The following PNPLA7 variants were observed in gnomAD, a reference collection of about 807,000 sequenced individuals.
PNPLA7 encodes patatin-like phospholipase domain-containing protein 7.
PNPLA7 carries 153 observed loss-of-function variants against 161.7 expected under a neutral mutation model. The observed-to-expected ratio is 0.95, with a 90% confidence interval of 0.83 to 1.08. PNPLA7 has a LOEUF of 1.08. PNPLA7 is among the 50% of genes least tolerant of loss of function. PNPLA7 has a pLI of 0.00. For missense variants in PNPLA7, 1,739 were observed against 1,856.6 expected, an observed-to-expected ratio of 0.94 and a Z score of 1.16; for synonymous variants, 809 against 782.1, an observed-to-expected ratio of 1.03 and a Z score of -0.57.
At chr9:137,503,948 TGAAGAAGAAG>T (rs1833733454) in intron 14 of PNPLA7, among the ~76,000 whole-genome samples, 1 of 32,566 alleles carries the variant, frequency 3.1e-5, no homozygotes, top group Non-Finnish European at 5.7e-5. Flanking sequence ...GAAGGAAGAA[TGAAGAAGAAG>T]GAAGAAGGAA....
chr9:137,497,068 C>T (rs1352111472), intron 18 of PNPLA7, 119 bp downstream of exon 18: 4 of 1,255,160 alleles, frequency 3.2e-6, no homozygotes, highest in Non-Finnish European at 4.1e-6. Flanking sequence ...TCACTACTAC[C>T]ATCCACTCCT....
intron 24 of PNPLA7, chr9:137,478,536 G>A: frequency 5.3e-6 from 1 of 188,608 alleles, no homozygotes; most frequent in Non-Finnish European, 1.1e-5. Context: ...TGGGCTGGGG[G>A]CCGTGAGCAT....
intron 19 of PNPLA7, among the ~76,000 whole-genome samples, chr9:137,493,635 C>G (rs1832888501): frequency 6.6e-6 from 1 of 152,396 alleles, no homozygotes; most frequent in South Asian, 2.1e-4. Flanking sequence ...ACAGCGGACC[C>G]ACTGGCTTCA....
At chr9:137,521,602 C>G in intron 10 of PNPLA7, 34 bp downstream of exon 10, 1 of 1,605,026 alleles carries the variant, frequency 6.2e-7, no homozygotes, top group Non-Finnish European at 8.5e-7. Context: ...CTGCATGGAG[C>G]AGCATGGGGC....
rs919481830 is a variant in PNPLA7, at chr9:137,476,407, G to A, written c.2882+1627C>T. Among the ~76,000 whole-genome samples the A allele has an allele frequency of 1.3e-5, 2 of 152,112 alleles. No individual in the cohort carries two copies. The highest frequency in any genetic ancestry group is 2.4e-5 in the African/African-American group (1 of 41,416). On this transcript the variant is annotated intron_variant, in intron 25 of 34. Transcript: ENST00000406427. The surrounding 1 kb of genome is among the most constrained non-coding windows in gnomAD (Gnocchi z 4.5). ...AGTGATGGGACCACACTGGGATTGA[G>A]TGGAAAGGAGGGAGACAGATGCATA...
rs1259242461 is a variant in PNPLA7 at position 137,476,509 on chromosome 9, TA to T, written c.2882+1524del. Reference sequence around the variant, plus strand: ...GGTTAAGAAGTCAACAATCTAAAACTAAAAAAAAAACCAAAAACTTAGTAGA... The same window carrying T: ...GGTTAAGAAGTCAACAATCTAAAACTAAAAAAAAACCAAAAACTTAGTAGA... On this transcript the variant is annotated intron_variant, in intron 25 of 34. Transcript: ENST00000406427. The surrounding 1 kb of genome is among the most constrained non-coding windows in gnomAD (Gnocchi z 4.5). Among the ~76,000 whole-genome samples, 6 of 146,078 alleles carry T rather than the reference TA, an allele frequency of 4.1e-5. No homozygotes were observed. The highest frequency in any genetic ancestry group is 2.2e-4 in the South Asian group (1 of 4,606).
chr9:137,480,618 G>T, intron 22 of PNPLA7, 138 bp from the exon 23 acceptor site: 1 of 1,006,834 alleles, frequency 9.9e-7, no homozygotes, highest in Non-Finnish European at 1.4e-6. Flanking sequence ...TCCTGCCATC[G>T]CTAGTTCGCA....
chr9:137,549,925 TCG>T (rs1377038448), intron 1 of PNPLA7, among the ~76,000 whole-genome samples: 1 of 152,114 alleles, frequency 6.6e-6, no homozygotes, highest in Non-Finnish European at 1.5e-5. Flanking sequence ...CTGGCTGCCC[TCG>T]CTGTGAACAA....
chr9:137,501,851 C>T (rs369426333), intron 14 of PNPLA7, 124 bp from the exon 15 acceptor site: 15 of 952,044 alleles, frequency 1.6e-5, no homozygotes, highest in East Asian at 1.1e-4. Flanking sequence ...GCAAGGCCCT[C>T]CTCCGAGGCT....
At chr9:137,463,580 G>T (rs1323987750) in intron 28 of PNPLA7, 49 bp from the exon 29 acceptor site, 2 of 1,405,660 alleles carry the variant, frequency 1.4e-6, no homozygotes, top group South Asian at 2.5e-5. Flanking sequence ...GGCTCCTCCT[G>T]GGTCCAGGGT....
intron 7 of PNPLA7, among the ~76,000 whole-genome samples, chr9:137,542,197 A>C (rs894523511): frequency 1.3e-5 from 2 of 152,246 alleles, no homozygotes; most frequent in African/African-American, 4.8e-5. Context: ...TGCCCAGCCC[A>C]GTGCCTCATG....
At chr9:137,508,135 T>G (rs992072414) in intron 12 of PNPLA7, among the ~76,000 whole-genome samples, 1 of 149,418 alleles carries the variant, frequency 6.7e-6, no homozygotes. Flanking sequence ...CTGAGGCAGG[T>G]GGATCATTTG....
In PNPLA7 at chr9:137,515,381, T is replaced by C. The variant is rs772217539; in HGVS notation, c.1223A>G (p.Gln408Arg). The C allele has an allele frequency of 1.9e-6, 3 of 1,602,536 alleles. No individual in the cohort carries two copies. The highest frequency in any genetic ancestry group is 2.6e-6 in the Non-Finnish European group (3 of 1,175,690). ...GAGDPDPSAPQGGPGSATSDL... is the reference protein window; with the variant it reads ...GAGDPDPSAPRGGPGSATSDL... ...GGGCAGCCGTCGAGGTTCTTTACCTTGTGGGGCCGAAGGGTCAGGGTCACC... is the reference window on the plus strand; with the variant it reads ...GGGCAGCCGTCGAGGTTCTTTACCTCGTGGGGCCGAAGGGTCAGGGTCACC... Residue 408 changes from glutamine to arginine, a missense_variant and splice_region_variant, in exon 12 of 35, where the codon CAA becomes CGA. By Grantham distance (43) the Gln-to-Arg change is conservative. Transcript: ENST00000406427.
chr9:137,536,722 T>C (rs1432405208), intron 8 of PNPLA7, among the ~76,000 whole-genome samples: 2 of 152,134 alleles, frequency 1.3e-5, no homozygotes, highest in Admixed American at 6.5e-5. Context: ...GATGGGAACG[T>C]AGCATGAGGC....
intron 25 of PNPLA7, among the ~76,000 whole-genome samples, chr9:137,474,217 C>T (rs566939384): frequency 2.0e-5 from 3 of 152,052 alleles, no homozygotes; most frequent in African/African-American, 2.4e-5. Flanking sequence ...CCAGCCTGGG[C>T]GACAAAGCGA....
intron 28 of PNPLA7, among the ~76,000 whole-genome samples, 156 bp downstream of exon 28, chr9:137,463,970 T>C (rs1184989523): frequency 6.6e-6 from 1 of 152,200 alleles, no homozygotes; most frequent in Non-Finnish European, 1.5e-5. Context: ...TCTGTGCCCC[T>C]AGTAGGGGCA....
At position 137,486,798 on chromosome 9, in the gene PNPLA7, T is replaced by C. The variant is rs993592212; in HGVS notation, c.2198-2062A>G. Among the ~76,000 whole-genome samples the C allele has an allele frequency of 6.6e-6, 1 of 151,918 alleles. No homozygotes were observed. The highest frequency in any genetic ancestry group is 1.5e-5 in the Non-Finnish European group (1 of 67,984). On this transcript the variant is annotated intron_variant, in intron 20 of 34. Transcript: ENST00000406427. The surrounding 1 kb of genome is among the most constrained non-coding windows in gnomAD (Gnocchi z 6.0). ...CGACGCCCAAGTCTGCCCGGAGCCT[T>C]TTTTGCTCAAAGCCCCTGGTGCCCC... is the stretch of plus-strand genomic sequence containing the variant.
chr9:137,478,120 G>T lies in PNPLA7; in HGVS notation c.2796C>A (p.Pro932=). 7.4e-7 allele frequency: 1 copy of T among 1,351,038 alleles called. No individual in the cohort carries two copies. Among genetic ancestry groups the T allele is most frequent in the Non-Finnish European group, 9.6e-7 (1 of 1,044,208 alleles). 83.7% of individuals were successfully genotyped at this position (1,351,038 alleles called of 1,614,324 possible). A position where few individuals can be genotyped will look rare whatever the true frequency, so the allele number is the denominator to read the frequency against. The change falls in exon 25 of 35, where the codon CCC becomes CCA. Residue 932 remains proline, a synonymous_variant. Transcript: ENST00000406427. ...GGGAGAAGTCTGAGTGTCGGTCCGG[G>T]GGCCGCTGGAAGACATGCTTGTACA... ...VEMYKHVFQR[P]PDRHSDFSRL...
rs1564313990 is a variant in PNPLA7, at chr9:137,498,154, G to A, written c.1849C>T (p.Leu617=). 4 of 1,612,938 alleles carry A rather than the reference G, an allele frequency of 2.5e-6. No individual in the cohort carries two copies. The African/African-American group carries it at 4.0e-5, about 16-fold the overall frequency. The part of the protein sequence containing the change: ...SSFVRQIDFA[L]DWVEVEAGRA... Reference sequence around the variant, plus strand: ...CCGGCCTCCACCTCCACCCAGTCCAGGGCAAAGTCGATTTGCCGCACGAAG... The same window carrying A: ...CCGGCCTCCACCTCCACCCAGTCCAAGGCAAAGTCGATTTGCCGCACGAAG... The change falls in exon 17 of 35, where the codon CTG becomes TTG. Residue 617 remains leucine (L), a synonymous_variant. Coordinates refer to ENST00000406427, the MANE Select transcript of PNPLA7 (RefSeq NM_001098537.3).
Sources: allele counts gnomAD v4.1 joint callset (sites outside exome capture counted in the v4.1 genomes callset), GRCh38; gene constraint gnomAD v4.1.1; non-coding constraint Gnocchi (gnomAD v3.1); transcripts MANE v1.5; gene names NCBI Gene and HGNC (gene_info 2026-07-23, HGNC 2026-07-21).